CSMD1: variants seen among roughly 807,000 people sequenced by gnomAD.
CSMD1 encodes CUB and Sushi multiple domains 1.
A neutral mutation model predicts 417.5 loss-of-function variants in CSMD1; 213 were observed. The ratio of observed to expected loss-of-function variants is 0.51; its 90% CI spans 0.46 to 0.57. The LOEUF (loss-of-function observed/expected upper bound fraction) is 0.57. Among genes scored for constraint, CSMD1 ranks in the 20% least tolerant of loss-of-function variants. The probability of loss-of-function intolerance (pLI) is 0.00; values close to 1 mark genes in which losing one functional copy is unlikely to be tolerated. For missense variants in CSMD1, 6,923 were observed against 4,529.7 expected (o/e 1.53, Z -15.17); for synonymous variants, 2,862 against 1,736.8 (o/e 1.65, Z -16.11).
intron 49 of CSMD1, among the ~76,000 whole-genome samples, chr8:3,077,694 C>T (rs575562096): frequency 1.3e-5 from 2 of 152,352 alleles, no homozygotes; most frequent in South Asian, 4.1e-4. Context: ...ACTGCAGCCC[C>T]GACCCCGGCT....
rs1368764295 is a variant in CSMD1 at position 4,225,817 on chromosome 8, G to T, written c.416-193718C>A. Among the ~76,000 whole-genome samples, 2 of 152,052 alleles carry T rather than the reference G, an allele frequency of 1.3e-5. 1 individual carries two copies. The highest frequency in any genetic ancestry group is 1.3e-4 in the Admixed American group (2 of 15,254). On this transcript the variant is annotated intron_variant, in intron 3 of 69. Transcript: ENST00000635120. ...AATATTTTATTGCATGACATTCTTA[G>T]ATGTAAAGTGGCACAATATGATCAG...
chr8:4,166,107 G>A (rs910729844), intron 3 of CSMD1, among the ~76,000 whole-genome samples: 7 of 152,130 alleles, frequency 4.6e-5, no homozygotes, highest in African/African-American at 1.4e-4. Context: ...TGAGGTCATA[G>A]AGCAGCACTG....
chr8:3,686,925 G>C (rs893871717), intron 7 of CSMD1, among the ~76,000 whole-genome samples: 1 of 152,122 alleles, frequency 6.6e-6, no homozygotes, highest in Non-Finnish European at 1.5e-5. Flanking sequence ...GTAGAGCTTT[G>C]TCTCCCCTAC....
intron 46 of CSMD1, among the ~76,000 whole-genome samples, chr8:3,103,765 T>C (rs944747380): frequency 2.6e-4 from 39 of 149,746 alleles, no homozygotes; most frequent in African/African-American, 9.4e-4. Context: ...AAAAAAATGA[T>C]GTAGTTTTGC....
chr8:4,812,294 C>T (rs950901450), intron 1 of CSMD1, among the ~76,000 whole-genome samples: 1 of 152,112 alleles, frequency 6.6e-6, no homozygotes, highest in Non-Finnish European at 1.5e-5. Flanking sequence ...GGGGGTTTTT[C>T]TCCCAGTTTG....
chr8:4,608,016 G>A (rs1006833336), intron 2 of CSMD1, among the ~76,000 whole-genome samples: 4 of 152,126 alleles, frequency 2.6e-5, no homozygotes, highest in African/African-American at 7.2e-5. Context: ...CAGGGATAAT[G>A]TGAGGGTGTG....
intron 3 of CSMD1, among the ~76,000 whole-genome samples, chr8:4,357,245 T>G (rs1801482165): frequency 6.6e-6 from 1 of 152,182 alleles, no homozygotes; most frequent in African/African-American, 2.4e-5. Flanking sequence ...GTGCTAGAAT[T>G]AGAGGTTCAG....
chr8:3,237,600 A>ATTTTATACTTATACTATAAATATAT (rs1799228461), intron 26 of CSMD1, among the ~76,000 whole-genome samples: 2 of 145,084 alleles, frequency 1.4e-5, no homozygotes, highest in African/African-American at 2.5e-5. Context: ...TATAAATATA[A>ATTTTATACTTATACTATAAATATAT]TTTTATACTT....
At chr8:4,833,786 T>A (rs1019856781) in intron 1 of CSMD1, among the ~76,000 whole-genome samples, 1 of 152,194 alleles carries the variant, frequency 6.6e-6, no homozygotes, top group African/African-American at 2.4e-5. Flanking sequence ...TATGATCCCA[T>A]GGAAGGATAG....
At chr8:3,091,743 A>G (rs1585325347) in intron 47 of CSMD1, 81 bp from the exon 48 acceptor site, 1 of 1,280,860 alleles carries the variant, frequency 7.8e-7, no homozygotes, top group South Asian at 1.4e-5. Flanking sequence ...TTTTGATTAC[A>G]CTGGAGTCTA....
chr8:3,868,960 G>A (rs1198415633), intron 5 of CSMD1, among the ~76,000 whole-genome samples: 1 of 152,148 alleles, frequency 6.6e-6, no homozygotes, highest in African/African-American at 2.4e-5. Context: ...TACAACCTAA[G>A]TCACATAACT....
At chr8:3,931,621 C>G (rs2688271) in intron 5 of CSMD1, among the ~76,000 whole-genome samples, 64,151 of 149,024 alleles carry the variant, frequency 0.43, 15,495 homozygotes, top group East Asian at 0.49. Context: ...GAGTTAGAGA[C>G]AGAGAAAAGT....
At chr8:3,896,864 A>C (rs1346489140) in intron 5 of CSMD1, among the ~76,000 whole-genome samples, 1 of 152,010 alleles carries the variant, frequency 6.6e-6, no homozygotes. Context: ...AAATTTTAAA[A>C]AGCGCTTGTC....
rs117129954 is a variant in CSMD1 at position 4,340,958 on chromosome 8, C to A, written c.415+78995G>T. Reference sequence around the variant, plus strand: ...CTGAGAGAATGTAGTCTGTACTCTGCGGGTTTATTTCAAGCTGATGGATTT... The same window carrying A: ...CTGAGAGAATGTAGTCTGTACTCTGAGGGTTTATTTCAAGCTGATGGATTT... On this transcript the variant is annotated intron_variant, in intron 3 of 69. Coordinates refer to ENST00000635120, the MANE Select transcript of CSMD1 (RefSeq NM_033225.6). Among the ~76,000 whole-genome samples the A allele has an allele frequency of 3.3e-5, 5 of 152,102 alleles. No individual in the cohort carries two copies. In the East Asian group the frequency reaches 5.8e-4, roughly 18 times the overall value.
chr8:4,051,350 C>A (rs754903120), intron 3 of CSMD1, among the ~76,000 whole-genome samples: 1 of 151,650 alleles, frequency 6.6e-6, no homozygotes, highest in African/African-American at 2.4e-5. Context: ...CCAGACTCGG[C>A]AGCTTCTTTC....
chr8:3,688,620 C>G (rs1800069427), intron 7 of CSMD1, among the ~76,000 whole-genome samples: 1 of 152,164 alleles, frequency 6.6e-6, no homozygotes, highest in Non-Finnish European at 1.5e-5. Context: ...GAAAAGGCCA[C>G]TTAGCAAAAA....
At chr8:3,561,588 A>G (rs1272288033) in intron 10 of CSMD1, among the ~76,000 whole-genome samples, 3 of 152,162 alleles carry the variant, frequency 2.0e-5, no homozygotes, top group Admixed American at 2.0e-4. Context: ...ACATGGAGAT[A>G]AGGATGGCAA....
chr8:4,092,322 C>T (rs1384810761), intron 3 of CSMD1, among the ~76,000 whole-genome samples: 1 of 152,156 alleles, frequency 6.6e-6, no homozygotes, highest in African/African-American at 2.4e-5. Context: ...TCGTCCTTTC[C>T]TGTGTCTGAT....
At chr8:4,204,831 AAT>A (rs1799881268) in intron 3 of CSMD1, among the ~76,000 whole-genome samples, 1 of 135,578 alleles carries the variant, frequency 7.4e-6, no homozygotes, top group African/African-American at 3.1e-5. Context: ...ACTTTTATTT[AAT>A]TTTTTTTTAC....
Sources: gnomAD v4.1 joint callset for allele counts (sites outside exome capture counted in the v4.1 genomes callset) on GRCh38, gnomAD v4.1.1 for gene constraint, MANE v1.5 for transcripts, NCBI Gene and HGNC (gene_info 2026-07-23, HGNC 2026-07-21) for gene names.